TRAF6: variants seen among roughly 807,000 people sequenced by gnomAD.
TRAF6 encodes the protein TNF receptor-associated factor 6.
A neutral mutation model predicts 48.4 loss-of-function variants in TRAF6; 10 were observed. The ratio of observed to expected loss-of-function variants is 0.21; its 90% CI spans 0.13 to 0.35. The LOEUF is 0.35. Among genes scored for constraint, TRAF6 ranks in the 10% least tolerant of loss-of-function variants. TRAF6 has a pLI of 1.00. For missense variants in TRAF6, 397 were observed against 661.0 expected (o/e 0.60, Z 4.38); for synonymous variants, 186 against 219.6 (o/e 0.85, Z 1.35).
Position 36,487,405 on chromosome 11 carries a change from G to A in TRAF6, c.*2433C>T, listed in dbSNP as rs1333051867. On this transcript the variant is annotated 3_prime_UTR_variant, in exon 7 of 7. Transcript: ENST00000526995. ...GACTATTCTACTTTGTAGTCAAGAT[G>A]AATGACCAGCATAAAATAACTGGCT... 2 of 152,312 alleles carry A rather than the reference G, an allele frequency of 1.3e-5. No individual in the cohort carries two copies. The highest frequency in any genetic ancestry group is 6.5e-5 in the Admixed American group (1 of 15,304). 9.4% of individuals were successfully genotyped at this position (152,312 alleles called of 1,614,324 possible).
intron 6 of TRAF6, among the ~76,000 whole-genome samples, chr11:36,491,099 A>C (rs1859556861): frequency 2.0e-5 from 3 of 152,204 alleles, no homozygotes; most frequent in African/African-American, 7.2e-5. Flanking sequence ...CCCATCAAAA[A>C]AGGACAAACC....
At chr11:36,492,104 C>T (rs76898318) in intron 6 of TRAF6, among the ~76,000 whole-genome samples, 6,995 of 152,226 alleles carry the variant, frequency 0.046, 227 homozygotes, top group Non-Finnish European at 0.067. Flanking sequence ...TATGTACTGG[C>T]TCCTAGGTCT....
chr11:36,493,929 G>A (rs1302359575), intron 5 of TRAF6, among the ~76,000 whole-genome samples: 1 of 152,110 alleles, frequency 6.6e-6, no homozygotes, highest in Non-Finnish European at 1.5e-5. Context: ...TCTCAGTAAG[G>A]TATATCAATA....
At chr11:36,501,560 A>G (rs1316954409) in intron 1 of TRAF6, 23 bp from the exon 2 acceptor site, 2 of 1,525,266 alleles carry the variant, frequency 1.3e-6, no homozygotes, top group African/African-American at 2.8e-5. Context: ...CAAGAAAAAA[A>G]TGCCTTTATA....
At position 36,489,453 on chromosome 11, in the gene TRAF6, A is replaced by AGT; in HGVS notation, c.*384_*385insAC. 5.1e-6 allele frequency: 1 copy of AGT among 194,336 alleles called. No homozygotes were observed. 12.0% of individuals were successfully genotyped at this position (194,336 alleles called of 1,614,324 possible). A position where few individuals can be genotyped will look rare whatever the true frequency, so the allele number is the denominator to read the frequency against. On this transcript the variant is annotated 3_prime_UTR_variant, in exon 7 of 7. Transcript: ENST00000526995. The stretch of plus-strand genomic sequence containing the variant: ...TTTAATATATTACATATAATACTAC[A>AGT]AAAAGACTGAAGTTTTAAGGAAAAT...
intron 1 of TRAF6, among the ~76,000 whole-genome samples, chr11:36,505,779 G>C (rs543773315): frequency 1.3e-5 from 2 of 152,266 alleles, no homozygotes; most frequent in Admixed American, 6.5e-5. Flanking sequence ...TGAACACTTA[G>C]AGGCCATTGT....
chr11:36,495,765 G>T (rs5030459), intron 4 of TRAF6, among the ~76,000 whole-genome samples: 76,037 of 151,928 alleles, frequency 0.5, 21,123 homozygotes, highest in East Asian at 0.71. Context: ...GGTGATGCAT[G>T]CCTGTAATCC....
intron 3 of TRAF6, among the ~76,000 whole-genome samples, 174 bp from the exon 4 acceptor site, chr11:36,497,440 A>C (rs1448335044): frequency 6.6e-6 from 1 of 152,214 alleles, no homozygotes; most frequent in Admixed American, 6.5e-5. Context: ...TAAAATGGTC[A>C]TGGGTTGCAA....
Position 36,496,829 on chromosome 11 carries a change from G to A in TRAF6, c.606+279C>T, listed in dbSNP as rs5030457. Among the ~76,000 whole-genome samples, 846 of 152,074 alleles carry A rather than the reference G, an allele frequency of 5.6e-3. 6 individuals are homozygous for A. The highest frequency in any genetic ancestry group is 0.019 in the African/African-American group (773 of 41,458). On this transcript the variant is annotated intron_variant, in intron 4 of 6. Coordinates refer to ENST00000526995, the MANE Select transcript of TRAF6 (RefSeq NM_004620.4). ...AAAATATCACACAGGAAAGCTGATC[G>A]GCATATGCCTTTCTTAGAAGTTCTG...
At chr11:36,499,734 G>A (rs1263283398) in intron 2 of TRAF6, among the ~76,000 whole-genome samples, 1 of 151,922 alleles carries the variant, frequency 6.6e-6, no homozygotes, top group African/African-American at 2.4e-5. Flanking sequence ...GCCAAGTCCC[G>A]AGTATGGATG....
chr11:36,495,593 G>A (rs1372572927), intron 4 of TRAF6, among the ~76,000 whole-genome samples: 1 of 152,042 alleles, frequency 6.6e-6, no homozygotes, highest in Non-Finnish European at 1.5e-5. Flanking sequence ...ATTTACTAAA[G>A]TTTAGAAAGG....
At position 36,485,653 on chromosome 11, in the gene TRAF6, C is replaced by T. The variant is rs762395202; in HGVS notation, c.*4185G>A. Among the ~76,000 whole-genome samples the T allele has an allele frequency of 6.6e-6, 1 of 152,042 alleles. No homozygotes were observed. Among genetic ancestry groups the T allele is most frequent in the Non-Finnish European group, 1.5e-5 (1 of 68,030 alleles). On this transcript the variant is annotated 3_prime_UTR_variant, in exon 7 of 7. Transcript: ENST00000526995. ...AATTATTTTTCAGGATTTTATGACCCGAATTTCCTGTGGGGAAAAAGCTTT... is the reference window on the plus strand; with the variant it reads ...AATTATTTTTCAGGATTTTATGACCTGAATTTCCTGTGGGGAAAAAGCTTT...
chr11:36,487,087 TCAAAACAAAAAA>T lies in TRAF6; in HGVS notation c.*2739_*2750del, dbSNP rs1266217310. 6.6e-6 allele frequency: 1 copy of T among 152,158 alleles called. No homozygotes were observed. Among genetic ancestry groups the T allele is most frequent in the African/African-American group, 2.4e-5 (1 of 41,422 alleles). The allele number at this position is 152,158 out of a possible 1,614,324, so 9.4% of individuals were successfully genotyped here. On this transcript the variant is annotated 3_prime_UTR_variant, in exon 7 of 7. Coordinates refer to ENST00000526995, the MANE Select transcript of TRAF6 (RefSeq NM_004620.4). ...GCCTGAGCGTCAGGGTGAGACTGTC[TCAAAACAAAAAA>T]CAAAACAAAACAACCTTTAGTTGAA...
chr11:36,484,990 C>T lies in TRAF6; in HGVS notation c.*4848G>A, dbSNP rs1859461170. 6.6e-6 allele frequency among the ~76,000 whole-genome samples: 1 copy of T among 151,360 alleles called. No individual in the cohort carries two copies. The highest frequency in any genetic ancestry group is 2.5e-5 in the African/African-American group (1 of 40,728). On this transcript the variant is annotated 3_prime_UTR_variant, in exon 7 of 7. Coordinates refer to ENST00000526995, the MANE Select transcript of TRAF6 (RefSeq NM_004620.4). Reference sequence around the variant, plus strand: ...GTTACAAAGCAAATGTCCCAAGTTCCCCCAAAGAACTTAAGACAAATTGAT... The same window carrying T: ...GTTACAAAGCAAATGTCCCAAGTTCTCCCAAAGAACTTAAGACAAATTGAT...
Position 36,490,142 on chromosome 11 carries a change from A to G in TRAF6, c.1265T>C (p.Leu422Pro), listed in dbSNP as rs1223436642. 1 of 1,614,156 alleles carries G rather than the reference A, an allele frequency of 6.2e-7. No individual in the cohort carries two copies. The highest frequency in any genetic ancestry group is 1.1e-5 in the South Asian group (1 of 91,088). Residue 422 changes from leucine (L) to proline (P), a missense_variant, in exon 7 of 7, where the codon CTC becomes CCC. This residue lies in a region of TRAF6 where 74 missense variants were observed against 198.9 expected (regional missense o/e 0.37). Coordinates refer to ENST00000526995, the MANE Select transcript of TRAF6 (RefSeq NM_004620.4). This position sits in a 1 kb window ranked among gnomAD's most constrained non-coding sequence, Gnocchi z 6.4. ...HTMQGEYDSH[L>P]PWPFQGTIRL... ...TATTGTACCCTGGAAGGGCCAAGGG[A>G]GGTGGCTGTCATATTCTCCTTGCAT...
chr11:36,485,451 TG>T lies in TRAF6; in HGVS notation c.*4386del, dbSNP rs1281640829. On this transcript the variant is annotated 3_prime_UTR_variant, in exon 7 of 7. Transcript: ENST00000526995. ...GAAGAGAACTATGGTCACTGCTGCT[TG>T]GGCGATTGTCCGAGTGGGACAGCAC... 6.6e-6 allele frequency among the ~76,000 whole-genome samples: 1 copy of T among 152,110 alleles called. No homozygotes were observed. Among genetic ancestry groups the T allele is most frequent in the African/African-American group, 2.4e-5 (1 of 41,372 alleles).
intron 1 of TRAF6, among the ~76,000 whole-genome samples, chr11:36,506,316 A>G (rs1453916423): frequency 6.6e-6 from 1 of 152,190 alleles, no homozygotes; most frequent in Non-Finnish European, 1.5e-5. Context: ...GTTATCTAAT[A>G]TGTATCAAAG....
At chr11:36,509,091 A>G (rs529776419) in intron 1 of TRAF6, among the ~76,000 whole-genome samples, 1 of 152,290 alleles carries the variant, frequency 6.6e-6, no homozygotes, top group East Asian at 1.9e-4. Flanking sequence ...CTTCCCTAGT[A>G]ATCAAAGGAG....
rs368846004 is a variant in TRAF6 at position 36,492,644 on chromosome 11, A to G, written c.679-16T>C. 41 of 1,584,012 alleles carry G rather than the reference A, an allele frequency of 2.6e-5. No individual in the cohort carries two copies. In the African/African-American group the frequency reaches 5.4e-4, roughly 21 times the overall value. On this transcript the variant is annotated splice_polypyrimidine_tract_variant and intron_variant, in intron 5 of 6. Coordinates refer to ENST00000526995, the MANE Select transcript of TRAF6 (RefSeq NM_004620.4). Reference sequence around the variant, plus strand: ...GATTAGGCATCTGAAATCCAAAACAAAGGCTGAAAAATCTCTTCCTTGCAT... The same window carrying G: ...GATTAGGCATCTGAAATCCAAAACAGAGGCTGAAAAATCTCTTCCTTGCAT...
Sources: gnomAD v4.1 joint callset for allele counts (sites outside exome capture counted in the v4.1 genomes callset) on GRCh38, gnomAD v4.1.1 for gene constraint, gnomAD v4.1.1 regional missense constraint, Gnocchi (gnomAD v3.1) non-coding constraint, MANE v1.5 for transcripts, NCBI Gene and HGNC (gene_info 2026-07-23, HGNC 2026-07-21) for gene names.